EPHA3: variants seen among roughly 807,000 people sequenced by gnomAD.
The protein encoded by EPHA3 is EPH receptor A3.
Under a neutral mutation model 107.1 loss-of-function variants are expected in EPHA3, and 42 were observed. The ratio of observed to expected loss-of-function variants is 0.39; its 90% CI spans 0.31 to 0.51. EPHA3 has a LOEUF of 0.51. EPHA3 is among the 20% of genes least tolerant of loss of function. EPHA3 has a pLI of 0.78. For missense variants in EPHA3, 1,183 were observed against 1,211.2 expected (o/e 0.98, Z 0.35); for synonymous variants, 461 against 424.8 (o/e 1.09, Z -1.05).
chr3:89,327,040 C>G (rs1707182422), intron 3 of EPHA3, among the ~76,000 whole-genome samples: 1 of 151,980 alleles, frequency 6.6e-6, no homozygotes, highest in South Asian at 2.1e-4. Flanking sequence ...TTATATAAGC[C>G]AGTCATTCTA....
chr3:89,130,698 G>A (rs551369624), intron 2 of EPHA3, among the ~76,000 whole-genome samples: 3 of 150,136 alleles, frequency 2.0e-5, no homozygotes, highest in Non-Finnish European at 4.4e-5. Context: ...GCTGTGGCGC[G>A]ATCTCGGCTC....
rs754102338 is a variant in EPHA3, at chr3:89,419,231, C to T, written c.1915C>T (p.Arg639Cys). The T allele has an allele frequency of 7.5e-6, 12 of 1,608,628 alleles. No homozygotes were observed. Among genetic ancestry groups the T allele is most frequent in the African/African-American group, 5.4e-5 (4 of 74,404 alleles). Residue 639 changes from arginine to cysteine, a missense_variant, in exon 11 of 17, where the codon CGC becomes TGC. Physicochemically the swap from Arg to Cys is radical, Grantham distance 180 (BLOSUM62 -3). Transcript: ENST00000336596. The part of the protein sequence containing the change: ...AGEFGEVCSG[R>C]LKLPSKKEIS... Reference sequence around the variant, plus strand: ...TGAATTTGGAGAGGTGTGCAGTGGTCGCTTAAAACTTCCTTCAAAAAAAGA... The same window carrying T: ...TGAATTTGGAGAGGTGTGCAGTGGTTGCTTAAAACTTCCTTCAAAAAAAGA...
chr3:89,429,323 A>G (rs1343258260), intron 12 of EPHA3, among the ~76,000 whole-genome samples, 156 bp downstream of exon 12: 2 of 152,104 alleles, frequency 1.3e-5, no homozygotes, highest in African/African-American at 2.4e-5. Flanking sequence ...GTAAAATTGC[A>G]TCTTTTTTTG....
chr3:89,162,225 T>C (rs1329733172), intron 2 of EPHA3, among the ~76,000 whole-genome samples: 1 of 151,974 alleles, frequency 6.6e-6, no homozygotes, highest in Non-Finnish European at 1.5e-5. Flanking sequence ...CCTGGACATA[T>C]TAGGTAATTT....
chr3:89,208,315 A>G (rs1348459507), intron 2 of EPHA3, among the ~76,000 whole-genome samples: 1 of 147,384 alleles, frequency 6.8e-6, no homozygotes, highest in Non-Finnish European at 1.5e-5. Context: ...GATTGCAGTG[A>G]GCTGAGATCG....
intron 2 of EPHA3, among the ~76,000 whole-genome samples, chr3:89,190,217 A>T (rs371996210): frequency 6.6e-6 from 1 of 152,286 alleles, no homozygotes; most frequent in South Asian, 2.1e-4. Flanking sequence ...GATAAAGAAA[A>T]ATATTAACAT....
At chr3:89,358,087 AAAT>A (rs1209986962) in intron 5 of EPHA3, among the ~76,000 whole-genome samples, 3 of 151,234 alleles carry the variant, frequency 2.0e-5, no homozygotes, top group Admixed American at 1.3e-4. Context: ...AAAGATCTAG[AAAT>A]AATAAAGTTA....
chr3:89,153,306 G>C (rs191610154), intron 2 of EPHA3, among the ~76,000 whole-genome samples: 1 of 152,042 alleles, frequency 6.6e-6, no homozygotes, highest in Non-Finnish European at 1.5e-5. Flanking sequence ...TCACACTTGC[G>C]GGTCCTTCTT....
intron 3 of EPHA3, among the ~76,000 whole-genome samples, chr3:89,309,816 T>C (rs1706721403): frequency 6.6e-6 from 1 of 152,038 alleles, no homozygotes; most frequent in African/African-American, 2.4e-5. Context: ...AAAGAAGACC[T>C]TAAGAGATCT....
intron 5 of EPHA3, among the ~76,000 whole-genome samples, chr3:89,358,996 CTT>C (rs1417591340): frequency 6.0e-5 from 9 of 151,098 alleles, no homozygotes; most frequent in Non-Finnish European, 1.2e-4. Context: ...ATTAATCTGA[CTT>C]ATTTGTCTAT....
At chr3:89,201,049 A>C (rs1036728699) in intron 2 of EPHA3, among the ~76,000 whole-genome samples, 2 of 152,192 alleles carry the variant, frequency 1.3e-5, no homozygotes, top group African/African-American at 2.4e-5. Flanking sequence ...ATTTAAAAAG[A>C]AAAGAAGTTT....
chr3:89,362,757 G>A (rs1347027072), intron 5 of EPHA3, among the ~76,000 whole-genome samples: 4 of 150,770 alleles, frequency 2.7e-5, no homozygotes, highest in East Asian at 2.0e-4. Context: ...AGGCTCCAGT[G>A]GTCAGTTCTT....
At chr3:89,213,717 C>A (rs1704161686) in intron 3 of EPHA3, among the ~76,000 whole-genome samples, 1 of 151,906 alleles carries the variant, frequency 6.6e-6, no homozygotes, top group Non-Finnish European at 1.5e-5. Flanking sequence ...AAGCAACCGT[C>A]TAAACAATTT....
chr3:89,211,083 T>C (rs576217289), intron 3 of EPHA3, among the ~76,000 whole-genome samples: 1 of 152,156 alleles, frequency 6.6e-6, no homozygotes, highest in Non-Finnish European at 1.5e-5. Context: ...CTTCAGTGTT[T>C]AATGTATACA....
chr3:89,382,742 G>T (rs76798447), intron 5 of EPHA3, among the ~76,000 whole-genome samples: 2,433 of 152,260 alleles, frequency 0.016, 68 homozygotes, highest in African/African-American at 0.055. Flanking sequence ...GACCCTGACA[G>T]GATTAGGACA....
intron 3 of EPHA3, among the ~76,000 whole-genome samples, chr3:89,220,262 T>C (rs1704339914): frequency 1.3e-5 from 2 of 152,186 alleles, no homozygotes; most frequent in Non-Finnish European, 2.9e-5. Flanking sequence ...AATTGGTACT[T>C]GACATCTTGT....
chr3:89,148,216 A>T lies in EPHA3; in HGVS notation c.153+20943A>T, dbSNP rs1268182546. 2.6e-5 allele frequency among the ~76,000 whole-genome samples: 4 copies of T among 152,114 alleles called. No individual in the cohort carries two copies. The East Asian group carries it at 5.8e-4, about 22-fold the overall frequency. ...TTATTGGAAAACTAAAATATTTATTAAAATGAAAACACTAACATATAAGGC... is the reference window on the plus strand; with the variant it reads ...TTATTGGAAAACTAAAATATTTATTTAAATGAAAACACTAACATATAAGGC... On this transcript the variant is annotated intron_variant, in intron 2 of 16. Transcript: ENST00000336596.
chr3:89,457,683 C>G (rs980516126), intron 15 of EPHA3, among the ~76,000 whole-genome samples: 5 of 152,150 alleles, frequency 3.3e-5, no homozygotes, highest in Admixed American at 1.3e-4. Flanking sequence ...GGGCTTTTAT[C>G]CATAAGGAAA....
rs114154511 is a variant in EPHA3 at position 89,199,852 on chromosome 3, G to A, written c.154-10008G>A. On this transcript the variant is annotated intron_variant, in intron 2 of 16. Transcript: ENST00000336596. ...AATCCAATGCCTCATGTAGCCAAAA[G>A]CACACTTCTGTCTGTACTTTGTATA... Among the ~76,000 whole-genome samples the A allele has an allele frequency of 5.7e-3, 867 of 152,252 alleles. 7 individuals carry two copies. The highest frequency in any genetic ancestry group is 0.02 in the African/African-American group (812 of 41,554).
Sources: allele counts gnomAD v4.1 joint callset (sites outside exome capture counted in the v4.1 genomes callset), GRCh38; gene constraint gnomAD v4.1.1; transcripts MANE v1.5; gene names NCBI Gene and HGNC (gene_info 2026-07-23, HGNC 2026-07-21).